The following RNF115 variants were observed in gnomAD, a reference collection of about 807,000 sequenced individuals.
The protein encoded by RNF115 is E3 ubiquitin-protein ligase RNF115.
RNF115 carries 31 observed loss-of-function variants against 39.2 expected under a neutral mutation model. That is an observed-to-expected ratio of 0.79 (90% CI 0.59 to 1.07). RNF115 has a LOEUF of 1.07. Among genes scored for constraint, RNF115 ranks in the 50% least tolerant of loss-of-function variants. The pLI is 0.00. For missense variants in RNF115, 384 were observed against 381.7 expected, an observed-to-expected ratio of 1.01 and a Z score of -0.05; for synonymous variants, 124 against 131.0, an observed-to-expected ratio of 0.95 and a Z score of 0.37.
At chr1:145,764,891 C>T (rs1658704073) in intron 4 of RNF115, among the ~76,000 whole-genome samples, 1 of 152,236 alleles carries the variant, frequency 6.6e-6, no homozygotes, top group African/African-American at 2.4e-5. Context: ...ATGAGCCCCT[C>T]TGCCCGGCCA....
At chr1:145,780,296 A>G (rs1553717139) in intron 3 of RNF115, among the ~76,000 whole-genome samples, 1 of 151,880 alleles carries the variant, frequency 6.6e-6, no homozygotes, top group African/African-American at 2.4e-5. Context: ...CAAAATCTGA[A>G]AGGAAATGTA....
intron 4 of RNF115, among the ~76,000 whole-genome samples, chr1:145,763,119 T>C (rs1466721950): frequency 1.3e-5 from 2 of 152,188 alleles, no homozygotes; most frequent in Non-Finnish European, 2.9e-5. Context: ...AATATACCCG[T>C]GTAATAAACC....
At chr1:145,784,367 C>G (rs1211695397) in intron 3 of RNF115, among the ~76,000 whole-genome samples, 172 bp downstream of exon 3, 1 of 152,170 alleles carries the variant, frequency 6.6e-6, no homozygotes. Flanking sequence ...GTAACACGCC[C>G]AAGCCCCAGC....
At chr1:145,801,793 T>C (rs1169901481) in intron 1 of RNF115, among the ~76,000 whole-genome samples, 1 of 151,742 alleles carries the variant, frequency 6.6e-6, no homozygotes, top group Admixed American at 6.6e-5. Flanking sequence ...ATTTCTCTCT[T>C]TTTTTTTAAA....
intron 5 of RNF115, among the ~76,000 whole-genome samples, chr1:145,752,768 T>C (rs1345685191): frequency 6.6e-6 from 1 of 151,946 alleles, no homozygotes; most frequent in African/African-American, 2.4e-5. Context: ...TTTATATTTT[T>C]AGTAGAGACG....
At chr1:145,766,616 G>A (rs1647289797) in intron 4 of RNF115, among the ~76,000 whole-genome samples, 1 of 150,746 alleles carries the variant, frequency 6.6e-6, no homozygotes, top group Non-Finnish European at 1.5e-5. Flanking sequence ...GGCTGGCCGG[G>A]CGGGGGGCTG....
At chr1:145,820,499 G>T (rs1198477900) in intron 1 of RNF115, among the ~76,000 whole-genome samples, 1 of 151,056 alleles carries the variant, frequency 6.6e-6, no homozygotes, top group East Asian at 2.0e-4. Context: ...CACCACTTTG[G>T]GAGGCCAAGG....
In RNF115 at chr1:145,750,392, TAAAAATG is replaced by T; in HGVS notation, c.667+8_667+14del. The T allele has an allele frequency of 6.3e-7, 1 of 1,591,202 alleles. No homozygotes were observed. Among genetic ancestry groups the T allele is most frequent in the East Asian group, 2.2e-5 (1 of 44,764 alleles). Reference sequence around the variant, plus strand: ...AGATCAGAAGATGACAGAATAAGTATAAAAATGAACCTACCAACTTGTTCCTGAGTTA... The same window carrying T: ...AGATCAGAAGATGACAGAATAAGTATAACCTACCAACTTGTTCCTGAGTTA... On this transcript the variant is annotated splice_region_variant and intron_variant, in intron 7 of 8. Transcript: ENST00000582693.
rs587774373 is a variant in RNF115 at position 145,762,053 on chromosome 1, A to G, written c.429-9004T>C. Reference sequence around the variant, plus strand: ...GACCTGTAACCCCTTTGATCTGGCCAATTTCTCCCATTTGGAATGGCCGTA... The same window carrying G: ...GACCTGTAACCCCTTTGATCTGGCCGATTTCTCCCATTTGGAATGGCCGTA... On this transcript the variant is annotated intron_variant, in intron 4 of 8. Coordinates refer to ENST00000582693, the MANE Select transcript of RNF115 (RefSeq NM_014455.4). 5.3e-5 allele frequency among the ~76,000 whole-genome samples: 8 copies of G among 152,340 alleles called. No individual in the cohort carries two copies. The South Asian group carries it at 1.7e-3, about 32-fold the overall frequency.
At chr1:145,781,900 C>CA (rs71226773) in intron 3 of RNF115, among the ~76,000 whole-genome samples, 2 of 135,560 alleles carry the variant, frequency 1.5e-5, no homozygotes, top group East Asian at 4.2e-4. Flanking sequence ...TACACTTTTC[C>CA]TTTTTTTTTT....
intron 4 of RNF115, among the ~76,000 whole-genome samples, chr1:145,768,505 G>A (rs587705838): frequency 1.9e-4 from 29 of 152,304 alleles, no homozygotes; most frequent in Middle Eastern, 6.8e-3. Flanking sequence ...TAGTAGAGAT[G>A]GGATTTCATC....
At chr1:145,748,963 G>T (rs1209280087) in intron 7 of RNF115, among the ~76,000 whole-genome samples, 1 of 151,904 alleles carries the variant, frequency 6.6e-6, no homozygotes, top group Admixed American at 6.6e-5. Flanking sequence ...AGCTATACCA[G>T]AAGTGGTGCT....
intron 4 of RNF115, among the ~76,000 whole-genome samples, chr1:145,758,557 A>T (rs1658384830): frequency 6.6e-6 from 1 of 152,248 alleles, no homozygotes; most frequent in South Asian, 2.1e-4. Context: ...GCAATAGGTA[A>T]CTAATATATA....
chr1:145,814,574 C>T (rs1319843103), intron 1 of RNF115, among the ~76,000 whole-genome samples: 2 of 150,040 alleles, frequency 1.3e-5, no homozygotes, highest in South Asian at 2.1e-4. Flanking sequence ...AAGAGGGAAA[C>T]TCCGTTTAAA....
At position 145,772,331 on chromosome 1, in the gene RNF115, C is replaced by T. The variant is rs1197285309; in HGVS notation, c.220-412G>A. On this transcript the variant is annotated intron_variant, in intron 3 of 8. Coordinates refer to ENST00000582693, the MANE Select transcript of RNF115 (RefSeq NM_014455.4). Reference sequence around the variant, plus strand: ...GAATGTTTAATTAAAATGCATGTTTCGGTCCTATGCCAAAAAGAAAATTTA... The same window carrying T: ...GAATGTTTAATTAAAATGCATGTTTTGGTCCTATGCCAAAAAGAAAATTTA... 12 of 169,064 alleles carry T rather than the reference C, an allele frequency of 7.1e-5. No homozygotes were observed. The East Asian group carries it at 1.0e-3, about 14-fold the overall frequency. The allele number at this position is 169,064 out of a possible 1,614,324, so 10.5% of individuals were successfully genotyped here.
At position 145,764,523 on chromosome 1, in the gene RNF115, G is replaced by C. The variant is rs587710638; in HGVS notation, c.428+7188C>G. Among the ~76,000 whole-genome samples the C allele has an allele frequency of 6.0e-5, 9 of 150,386 alleles. No individual in the cohort carries two copies. The East Asian group carries it at 1.6e-3, about 27-fold the overall frequency. ...GGGAGGTGAGGAGCCCCTCCGCCCG[G>C]CAGCCGCCCCGTCTGAGAAGTGAGG... On this transcript the variant is annotated intron_variant, in intron 4 of 8. Coordinates refer to ENST00000582693, the MANE Select transcript of RNF115 (RefSeq NM_014455.4).
chr1:145,809,349 G>A (rs1417012664), intron 1 of RNF115, among the ~76,000 whole-genome samples: 1 of 151,818 alleles, frequency 6.6e-6, no homozygotes, highest in African/African-American at 2.4e-5. Flanking sequence ...ACCACACCCA[G>A]CTAATTTTTG....
chr1:145,772,355 T>A (rs1487039331), intron 3 of RNF115: 1 of 166,236 alleles, frequency 6.0e-6, no homozygotes, highest in Admixed American at 5.7e-5. Flanking sequence ...AAAGAAAATT[T>A]AATAGATCTG....
chr1:145,757,439 G>A (rs587706474), intron 4 of RNF115, among the ~76,000 whole-genome samples: 3 of 152,282 alleles, frequency 2.0e-5, no homozygotes, highest in South Asian at 2.1e-4. Context: ...CAGGATACTC[G>A]AAGTTTTAAA....
Sources: allele counts gnomAD v4.1 joint callset (sites outside exome capture counted in the v4.1 genomes callset), GRCh38; gene constraint gnomAD v4.1.1; transcripts MANE v1.5; gene names NCBI Gene and HGNC (gene_info 2026-07-23, HGNC 2026-07-21).